The following USP40 variants were observed in gnomAD, a reference collection of about 807,000 sequenced individuals.
USP40 encodes ubiquitin specific peptidase 40.
In USP40, 143 loss-of-function variants were observed where a neutral mutation model predicts 166.2. That is an observed-to-expected ratio of 0.86 (90% CI 0.75 to 0.99). USP40 has a LOEUF of 0.99. Ranked by LOEUF, USP40 falls within the 50% of genes least tolerant of loss-of-function variation. USP40 has a pLI of 0.00. For missense variants in USP40, 1,444 were observed against 1,479.7 expected, an observed-to-expected ratio of 0.98 and a Z score of 0.40; for synonymous variants, 498 against 524.0, an observed-to-expected ratio of 0.95 and a Z score of 0.68.
rs1402515424 is a variant in USP40, at chr2:233,493,180, G to C, written c.2917+245C>G. The C allele has an allele frequency of 1.2e-5, 7 of 566,844 alleles. No individual in the cohort carries two copies. In the African/African-American group the frequency reaches 1.3e-4, roughly 11 times the overall value. 35.1% of individuals were successfully genotyped at this position (566,844 alleles called of 1,614,324 possible). A position where few individuals can be genotyped will look rare whatever the true frequency, so the allele number is the denominator to read the frequency against. On this transcript the variant is annotated intron_variant, in intron 25 of 31. Coordinates refer to ENST00000678225, the MANE Select transcript of USP40 (RefSeq NM_001365479.2). The surrounding 1 kb of genome is among the most constrained non-coding windows in gnomAD (Gnocchi z 4.7). ...TGATACATAAAAGTCTTTGGAAAGT[G>C]TAATATATTGATATAATAATAAACA...
chr2:233,554,976 A>G (rs1278247858), intron 5 of USP40, among the ~76,000 whole-genome samples: 1 of 152,092 alleles, frequency 6.6e-6, no homozygotes, highest in Non-Finnish European at 1.5e-5. Context: ...AGTTATAAGA[A>G]AAAAAAATTA....
intron 18 of USP40, among the ~76,000 whole-genome samples, chr2:233,515,916 A>C (rs2067155975): frequency 6.6e-6 from 1 of 152,252 alleles, no homozygotes; most frequent in African/African-American, 2.4e-5. Flanking sequence ...TAAATGGCCC[A>C]GCACTATTTG....
chr2:233,549,196 G>C lies in USP40; in HGVS notation c.871C>G (p.Leu291Val). The stretch of plus-strand genomic sequence containing the variant: ...CCTTTGTGTATAATAACTGAGAAGA[G>C]GTCATATATATATTCTAAGTCATCC... ...ELDDLEYIYD[L>V]FSVIIHKGGC... The change falls in exon 8 of 32, where the codon CTC (leucine) becomes GTC (valine). Residue 291 changes from leucine to valine, a missense_variant. Leu to Val is a conservative substitution (Grantham distance 32). Coordinates refer to ENST00000678225, the MANE Select transcript of USP40 (RefSeq NM_001365479.2). The C allele has an allele frequency of 6.6e-7, 1 of 1,509,978 alleles. No homozygotes were observed. Among genetic ancestry groups the C allele is most frequent in the South Asian group, 1.2e-5 (1 of 84,162 alleles). 93.5% of individuals were successfully genotyped at this position (1,509,978 alleles called of 1,614,324 possible). A position where few individuals can be genotyped will look rare whatever the true frequency, so the allele number is the denominator to read the frequency against.
rs529630736 is a variant in USP40, at chr2:233,543,855, T to C, written c.967-1492A>G. Among the ~76,000 whole-genome samples, 4 of 152,354 alleles carry C rather than the reference T, an allele frequency of 2.6e-5. No homozygotes were observed. The East Asian group carries it at 5.8e-4, about 22-fold the overall frequency. ...ATCTTGCTGACACTGAACTTCCATTTTGATGCCCATACAGGGCAGAGTTGG... is the reference window on the plus strand; with the variant it reads ...ATCTTGCTGACACTGAACTTCCATTCTGATGCCCATACAGGGCAGAGTTGG... On this transcript the variant is annotated intron_variant, in intron 8 of 31. Transcript: ENST00000678225.
intron 10 of USP40, among the ~76,000 whole-genome samples, chr2:233,534,296 T>C (rs2068778803): frequency 6.6e-6 from 1 of 152,126 alleles, no homozygotes; most frequent in South Asian, 2.1e-4. Context: ...AATCAAAGCA[T>C]AGTAAGGGTT....
intron 15 of USP40, among the ~76,000 whole-genome samples, chr2:233,524,291 A>G (rs2067863012): frequency 6.6e-6 from 1 of 151,996 alleles, no homozygotes. Flanking sequence ...TACCATGCCT[A>G]GCTAATTTTT....
chr2:233,524,092 T>C lies in USP40; in HGVS notation c.1881+400A>G, dbSNP rs1336174980. On this transcript the variant is annotated intron_variant, in intron 15 of 31. Coordinates refer to ENST00000678225, the MANE Select transcript of USP40 (RefSeq NM_001365479.2). ...ATCAAGCATTTCAGTAGTTTTCTAA[T>C]ATCTAATTGCCCTCACATAGGCTGA... 9.8e-5 allele frequency among the ~76,000 whole-genome samples: 15 copies of C among 152,314 alleles called. No individual in the cohort carries two copies. The East Asian group carries it at 2.9e-3, about 29-fold the overall frequency.
At chr2:233,512,335 T>G (rs2066894711) in intron 19 of USP40, 2 of 303,238 alleles carry the variant, frequency 6.6e-6, no homozygotes, top group Admixed American at 5.1e-5. Flanking sequence ...ATCAAACCCG[T>G]GAGTAAAATG....
chr2:233,491,168 T>C lies in USP40; in HGVS notation c.3011A>G (p.Gln1004Arg). Residue 1004 changes from glutamine (Q) to arginine (R), a missense_variant and splice_region_variant, in exon 26 of 32, where the codon CAG becomes CGG. By Grantham distance (43) the Gln-to-Arg change is conservative. Coordinates refer to ENST00000678225, the MANE Select transcript of USP40 (RefSeq NM_001365479.2). ...EDATLAELKS[Q>R]AMTLPPFLEF... Reference sequence around the variant, plus strand: ...TTATGGTGCAGGAAGAAGTCTGACCTGAGACTTCAGCTCCGCCAGCGTGGC... The same window carrying C: ...TTATGGTGCAGGAAGAAGTCTGACCCGAGACTTCAGCTCCGCCAGCGTGGC... The C allele has an allele frequency of 6.2e-7, 1 of 1,603,650 alleles. No individual in the cohort carries two copies. The highest frequency in any genetic ancestry group is 8.5e-7 in the Non-Finnish European group (1 of 1,174,110).
At chr2:233,558,534 T>C (rs1367724243) in intron 4 of USP40, among the ~76,000 whole-genome samples, 1 of 152,182 alleles carries the variant, frequency 6.6e-6, no homozygotes, top group African/African-American at 2.4e-5. Flanking sequence ...GATCACTCCA[T>C]TTCTATGAAA....
chr2:233,529,814 C>CTTTTTCTTTTTCTTTTTCTTTTTT (rs776660309), intron 11 of USP40, among the ~76,000 whole-genome samples: 1 of 133,950 alleles, frequency 7.5e-6, no homozygotes, highest in African/African-American at 2.9e-5. Context: ...TTTTCTTTTT[C>CTTTTTCTTTTTCTTTTTCTTTTTT]TTTTTTTTTT....
chr2:233,506,127 AG>A (rs1479248118), intron 21 of USP40, among the ~76,000 whole-genome samples: 1 of 152,220 alleles, frequency 6.6e-6, no homozygotes, highest in East Asian at 1.9e-4. Flanking sequence ...CCAAAACAGC[AG>A]GGTACTGGCA....
At chr2:233,487,346 T>A (rs1186034260) in intron 28 of USP40, among the ~76,000 whole-genome samples, 1 of 152,238 alleles carries the variant, frequency 6.6e-6, no homozygotes, top group Non-Finnish European at 1.5e-5. Flanking sequence ...TGCTGGTTTG[T>A]GGGTGAGGTA....
In USP40 at chr2:233,556,821, A is replaced by G. The variant is rs13406202; in HGVS notation, c.546+34T>C. On this transcript the variant is annotated intron_variant, in intron 5 of 31. Transcript: ENST00000678225. ...AATTACATGGATTATAATTTACAAC[A>G]TAACTTATTACTAAAATACTCTGGC... The G allele has an allele frequency of 8.1e-4, 1,280 of 1,574,166 alleles. 11 individuals are homozygous for G. In the African/African-American group the frequency reaches 0.016, roughly 19 times the overall value.
In USP40 at chr2:233,533,503, AT is replaced by A. The variant is rs1413441379; in HGVS notation, c.1446del (p.Lys482AsnfsTer23). The A allele has an allele frequency of 2.5e-6, 4 of 1,613,580 alleles. No individual in the cohort carries two copies. In the South Asian group the frequency reaches 4.4e-5, roughly 18 times the overall value. On this transcript the variant is annotated frameshift_variant, in exon 11 of 32. Coordinates refer to ENST00000678225, the MANE Select transcript of USP40 (RefSeq NM_001365479.2). LOFTEE classifies it high-confidence loss of function. ...KESAYMLFYR[K>X]SQLQRPPEAR... ...CCTTCAGGGGGTCTCTGCAACTGGG[AT>A]TTCCGATAAAACAACATGTAGGCAC...
rs1234618878 is a variant in USP40, at chr2:233,499,343, T to C, written c.2650+536A>G. Among the ~76,000 whole-genome samples, 3 of 152,174 alleles carry C rather than the reference T, an allele frequency of 2.0e-5. No homozygotes were observed. In the East Asian group the frequency reaches 5.8e-4, roughly 29 times the overall value. On this transcript the variant is annotated intron_variant, in intron 22 of 31. Transcript: ENST00000678225. The stretch of plus-strand genomic sequence containing the variant: ...GACCCTGCAAAGGACATGATCTCAT[T>C]CCTTTCTATGGCTGCACAGTATTCC...
chr2:233,535,033 C>T (rs1036107674), intron 10 of USP40, among the ~76,000 whole-genome samples: 2 of 152,176 alleles, frequency 1.3e-5, no homozygotes, highest in African/African-American at 4.8e-5. Flanking sequence ...GAGTTCTGCA[C>T]TCACCTACCT....
chr2:233,519,529 G>GT (rs748341601), intron 18 of USP40, 85 bp downstream of exon 18: 2 of 866,654 alleles, frequency 2.3e-6, no homozygotes, highest in East Asian at 5.7e-5. Flanking sequence ...TCCCTAAACT[G>GT]TTTTTTGTAT....
chr2:233,498,644 A>G (rs1559227782), intron 22 of USP40, 32 bp from the exon 23 acceptor site: 1 of 1,595,100 alleles, frequency 6.3e-7, no homozygotes, highest in Admixed American at 1.7e-5. Context: ...GATAAAAAAA[A>G]TTCAAAGTTA....
Sources: gnomAD v4.1 joint callset for allele counts (sites outside exome capture counted in the v4.1 genomes callset) on GRCh38, gnomAD v4.1.1 for gene constraint, Gnocchi (gnomAD v3.1) non-coding constraint, MANE v1.5 for transcripts, NCBI Gene and HGNC (gene_info 2026-07-23, HGNC 2026-07-21) for gene names.